MYO1E: variants seen among roughly 807,000 people sequenced by gnomAD.
The protein encoded by MYO1E is myosin IE, also known as unconventional myosin-Ie.
A neutral mutation model predicts 151.1 loss-of-function variants in MYO1E; 68 were observed. That is an observed-to-expected ratio of 0.45 (90% confidence interval 0.37 to 0.55). The LOEUF (loss-of-function observed/expected upper bound fraction) is 0.55, where lower values mean the gene tolerates loss of function less well. Among genes scored for constraint, MYO1E ranks in the 20% least tolerant of loss-of-function variants. The pLI, the probability that MYO1E is intolerant of heterozygous loss-of-function variation, is 0.00. For missense variants in MYO1E, 1,363 were observed against 1,389.3 expected (o/e 0.98, Z 0.30); for synonymous variants, 601 against 501.7 (o/e 1.20, Z -2.64).
chr15:59,312,873 T>G (rs1216817587), intron 1 of MYO1E, among the ~76,000 whole-genome samples: 1 of 151,426 alleles, frequency 6.6e-6, no homozygotes, highest in East Asian at 1.9e-4. Context: ...ATAATAATAA[T>G]AATAATAATA....
intron 18 of MYO1E, among the ~76,000 whole-genome samples, chr15:59,182,208 CTTTT>C (rs570398459): frequency 1.3e-5 from 2 of 151,550 alleles, no homozygotes; most frequent in Non-Finnish European, 2.9e-5. Flanking sequence ...TCCCAGTATT[CTTTT>C]TTTTTATTTT....
chr15:59,160,943 G>C, intron 24 of MYO1E, 130 bp downstream of exon 24: 1 of 1,265,808 alleles, frequency 7.9e-7, no homozygotes, highest in Non-Finnish European at 1.1e-6. Context: ...TCTGAAGAAA[G>C]CGTGAGCCCC....
At chr15:59,151,991 C>T (rs1295679580) in intron 26 of MYO1E, among the ~76,000 whole-genome samples, 2 of 152,000 alleles carry the variant, frequency 1.3e-5, no homozygotes, top group Non-Finnish European at 2.9e-5. Flanking sequence ...TCGCTTGAAC[C>T]CGGGAGGCAG....
intron 22 of MYO1E, 64 bp from the exon 23 acceptor site, chr15:59,163,367 T>C: frequency 6.6e-7 from 1 of 1,525,496 alleles, no homozygotes; most frequent in South Asian, 1.2e-5. Context: ...TATTGTTTTT[T>C]TTTTCTTCCA....
chr15:59,229,884 A>G (rs564823449), intron 6 of MYO1E, among the ~76,000 whole-genome samples: 1 of 152,288 alleles, frequency 6.6e-6, no homozygotes, highest in African/African-American at 2.4e-5. Context: ...AAAAAAAAAC[A>G]AGAACATATT....
chr15:59,266,452 G>A (rs771004847), intron 2 of MYO1E, among the ~76,000 whole-genome samples: 4 of 152,116 alleles, frequency 2.6e-5, no homozygotes, highest in Non-Finnish European at 2.9e-5. Context: ...ATGCCTGCCC[G>A]TGGATCTATC....
At chr15:59,144,977 G>A (rs2079433066) in intron 26 of MYO1E, among the ~76,000 whole-genome samples, 1 of 152,088 alleles carries the variant, frequency 6.6e-6, no homozygotes. Flanking sequence ...CTAAGTAGTT[G>A]GGACTACAGG....
chr15:59,262,724 G>A (rs769642573), intron 2 of MYO1E, among the ~76,000 whole-genome samples: 4 of 152,166 alleles, frequency 2.6e-5, no homozygotes, highest in Admixed American at 6.5e-5. Flanking sequence ...ATCAGGTTTA[G>A]GGAAAGAAGG....
At chr15:59,222,917 T>C (rs764040226) in intron 9 of MYO1E, 142 bp downstream of exon 9, 5 of 1,309,184 alleles carry the variant, frequency 3.8e-6, no homozygotes, top group Non-Finnish European at 5.3e-6. Flanking sequence ...CGTGAAGCCA[T>C]TCTGTTTGCC....
intron 1 of MYO1E, among the ~76,000 whole-genome samples, chr15:59,302,416 T>C (rs573282494): frequency 6.6e-6 from 1 of 152,188 alleles, no homozygotes; most frequent in African/African-American, 2.4e-5. Context: ...GGCCAGTATT[T>C]AGAAGTCAGA....
intron 15 of MYO1E, among the ~76,000 whole-genome samples, chr15:59,205,146 T>G (rs1416710960): frequency 6.6e-6 from 1 of 152,128 alleles, no homozygotes; most frequent in Non-Finnish European, 1.5e-5. Flanking sequence ...GGTGTTTTGT[T>G]TTGTTTTTGT....
chr15:59,171,378 C>A, intron 22 of MYO1E: 1 of 174,362 alleles, frequency 5.7e-6, no homozygotes, highest in Non-Finnish European at 1.2e-5. Context: ...GCAAACACCA[C>A]TCCCCACTGC....
intron 1 of MYO1E, among the ~76,000 whole-genome samples, chr15:59,354,681 G>A (rs2080844152): frequency 6.6e-6 from 1 of 152,238 alleles, no homozygotes; most frequent in South Asian, 2.1e-4. Flanking sequence ...TGAACGGATA[G>A]TGGTGAATTT....
chr15:59,329,169 G>A (rs1309827640), intron 1 of MYO1E, among the ~76,000 whole-genome samples: 1 of 152,210 alleles, frequency 6.6e-6, no homozygotes, highest in East Asian at 1.9e-4. Context: ...CTCACTATAT[G>A]CCAGACACTG....
intron 7 of MYO1E, 29 bp from the exon 8 acceptor site, chr15:59,224,852 T>A: frequency 1.2e-6 from 2 of 1,614,068 alleles, no homozygotes. Flanking sequence ...GGTTGAGCCA[T>A]GATGTGGACC....
intron 1 of MYO1E, among the ~76,000 whole-genome samples, chr15:59,353,055 G>C (rs1169657064): frequency 6.6e-6 from 1 of 152,120 alleles, no homozygotes; most frequent in Non-Finnish European, 1.5e-5. Flanking sequence ...CCTAGATCTA[G>C]CCAACGGCAG....
chr15:59,268,867 T>A (rs1194685309), intron 2 of MYO1E, among the ~76,000 whole-genome samples: 3 of 151,698 alleles, frequency 2.0e-5, no homozygotes. Flanking sequence ...GAGTAAACAA[T>A]CGTGATTGGG....
At chr15:59,171,245 G>C (rs1364783161) in intron 22 of MYO1E, 5 of 157,678 alleles carry the variant, frequency 3.2e-5, no homozygotes, top group African/African-American at 1.2e-4. Context: ...CCTATGCTAA[G>C]AACCCCTAGC....
intron 17 of MYO1E, among the ~76,000 whole-genome samples, chr15:59,193,737 C>T (rs182129474): frequency 1.1e-4 from 17 of 152,260 alleles, no homozygotes; most frequent in African/African-American, 4.1e-4. Flanking sequence ...ACTGTACAGC[C>T]TCCTAAAGTA....
Sources: allele counts gnomAD v4.1 joint callset (sites outside exome capture counted in the v4.1 genomes callset), GRCh38; gene constraint gnomAD v4.1.1; transcripts MANE v1.5; gene names NCBI Gene and HGNC (gene_info 2026-07-23, HGNC 2026-07-21).